The following SORCS2 variants were observed in gnomAD, a reference collection of about 807,000 sequenced individuals.
SORCS2 encodes the protein VPS10 domain-containing receptor SorCS2.
SORCS2 carries 100 observed loss-of-function variants against 141.6 expected under a neutral mutation model. That is an observed-to-expected ratio of 0.71 (90% CI 0.60 to 0.83). SORCS2 has a LOEUF of 0.83. Ranked by LOEUF, SORCS2 falls within the 40% of genes least tolerant of loss-of-function variation. SORCS2 has a pLI of 0.00. For synonymous variants in SORCS2, 789 were observed against 676.9 expected, an observed-to-expected ratio of 1.17 and a Z score of -2.57; for missense variants, 1,646 against 1,560.2, an observed-to-expected ratio of 1.05 and a Z score of -0.93.
rs147470525 is a variant in SORCS2, at chr4:7,472,154, C to T, written c.549-59376C>T. Among the ~76,000 whole-genome samples, 1,334 of 152,330 alleles carry T rather than the reference C, an allele frequency of 8.8e-3. 15 individuals carry two copies. The highest frequency in any genetic ancestry group is 0.031 in the African/African-American group (1,276 of 41,584). On this transcript the variant is annotated intron_variant, in intron 2 of 26. Coordinates refer to ENST00000507866, the MANE Select transcript of SORCS2 (RefSeq NM_020777.3). ...GTTAGCTCGTGTCCCTGGCACTGCC[C>T]TGGGCAGGCTGCTGCAGGCACAGAG...
intron 1 of SORCS2, among the ~76,000 whole-genome samples, chr4:7,255,794 G>A (rs1713816158): frequency 6.6e-6 from 1 of 152,092 alleles, no homozygotes; most frequent in Admixed American, 6.5e-5. Context: ...CGGCTGTGCA[G>A]TGGGGCCACT....
At chr4:7,545,704 GC>G (rs199903938) in intron 3 of SORCS2, among the ~76,000 whole-genome samples, 4,846 of 152,266 alleles carry the variant, frequency 0.032, 98 homozygotes, top group Non-Finnish European at 0.038. Flanking sequence ...CACCCCACAG[GC>G]CCTGGAGAGC....
intron 14 of SORCS2, among the ~76,000 whole-genome samples, chr4:7,709,474 C>T (rs1725685495): frequency 6.6e-6 from 1 of 152,206 alleles, no homozygotes; most frequent in African/African-American, 2.4e-5. Context: ...GGTGCTATAA[C>T]CTTTTAAGTT....
rs558513377 is a variant in SORCS2 at position 7,567,317 on chromosome 4, C to A, written c.648+35688C>A. Among the ~76,000 whole-genome samples the A allele has an allele frequency of 2.0e-5, 3 of 152,160 alleles. No individual in the cohort carries two copies. In the East Asian group the frequency reaches 5.8e-4, roughly 29 times the overall value. Reference sequence around the variant, plus strand: ...TAATGCCTTCATCGATCTCAGGATCCCACCCAGGACTCCACGTTACATGTA... The same window carrying A: ...TAATGCCTTCATCGATCTCAGGATCACACCCAGGACTCCACGTTACATGTA... On this transcript the variant is annotated intron_variant, in intron 3 of 26. Coordinates refer to ENST00000507866, the MANE Select transcript of SORCS2 (RefSeq NM_020777.3).
At chr4:7,615,148 CTCATTCATTCAT>C (rs112636992) in intron 3 of SORCS2, among the ~76,000 whole-genome samples, 1 of 152,208 alleles carries the variant, frequency 6.6e-6, no homozygotes, top group Non-Finnish European at 1.5e-5. Context: ...CATCCATTCA[CTCATTCATTCAT>C]TCATTCATTC....
chr4:7,636,232 C>G lies in SORCS2; in HGVS notation c.649-2096C>G, dbSNP rs200029547. Among the ~76,000 whole-genome samples, 4 of 80,708 alleles carry G rather than the reference C, an allele frequency of 5.0e-5. No homozygotes were observed. The East Asian group carries it at 7.7e-3, about 155-fold the overall frequency. The allele number at this position is 80,708 out of a possible 152,430, so 52.9% of individuals were successfully genotyped here. A position where few individuals can be genotyped will look rare whatever the true frequency, so the allele number is the denominator to read the frequency against. On this transcript the variant is annotated intron_variant, in intron 3 of 26. Coordinates refer to ENST00000507866, the MANE Select transcript of SORCS2 (RefSeq NM_020777.3). The stretch of plus-strand genomic sequence containing the variant: ...AATGCTTGGCTCCAAAGGGAGACTT[C>G]CTTTGGGACTTGCTTTGGGTCCCCT...
rs999708267 is a variant in SORCS2, at chr4:7,233,883, C to T, written c.480+40757C>T. ...TGCACTTGTAATACACTGTCCTGTC[C>T]GCTATCCCATCCCCTTCTCTGGTCT... is the stretch of plus-strand genomic sequence containing the variant. On this transcript the variant is annotated intron_variant, in intron 1 of 26. Coordinates refer to ENST00000507866, the MANE Select transcript of SORCS2 (RefSeq NM_020777.3). This position sits in a 1 kb window ranked among gnomAD's most constrained non-coding sequence, Gnocchi z 4.5. 6.6e-6 allele frequency among the ~76,000 whole-genome samples: 1 copy of T among 152,122 alleles called. No homozygotes were observed. The highest frequency in any genetic ancestry group is 2.1e-4 in the South Asian group (1 of 4,810).
At chr4:7,237,723 C>G (rs1170927517) in intron 1 of SORCS2, among the ~76,000 whole-genome samples, 3 of 151,874 alleles carry the variant, frequency 2.0e-5, no homozygotes, top group African/African-American at 7.3e-5. Context: ...ATAATAATAC[C>G]CAGTGGGGAG....
intron 9 of SORCS2, among the ~76,000 whole-genome samples, chr4:7,678,678 G>A (rs561399935): frequency 6.7e-5 from 10 of 149,976 alleles, no homozygotes; most frequent in African/African-American, 2.5e-4. Flanking sequence ...GAAGAGGTTC[G>A]CAGTGGCCCG....
At chr4:7,737,496 A>G (rs148448218) in intron 26 of SORCS2, among the ~76,000 whole-genome samples, 118 of 152,306 alleles carry the variant, frequency 7.7e-4, no homozygotes, top group African/African-American at 2.8e-3. Flanking sequence ...TTTGAAAGGA[A>G]GCCTGACTCG....
chr4:7,426,309 G>C (rs1460404151), intron 2 of SORCS2, among the ~76,000 whole-genome samples: 1 of 36,624 alleles, frequency 2.7e-5, no homozygotes, highest in East Asian at 2.8e-4. Context: ...GCCAGGGGAG[G>C]CCCGAGGACG....
At chr4:7,727,006 C>T in intron 21 of SORCS2, 103 bp downstream of exon 21, 1 of 1,382,208 alleles carries the variant, frequency 7.2e-7, no homozygotes, top group Middle Eastern at 1.9e-4. Flanking sequence ...CCTGGTCACC[C>T]TGAGTGGCCC....
chr4:7,267,896 T>C (rs1714856937), intron 1 of SORCS2, among the ~76,000 whole-genome samples: 2 of 152,256 alleles, frequency 1.3e-5, no homozygotes, highest in African/African-American at 4.8e-5. Flanking sequence ...CAGTGAGTGA[T>C]GAGACGAGCA....
intron 1 of SORCS2, among the ~76,000 whole-genome samples, chr4:7,366,507 T>C (rs1721905587): frequency 1.4e-5 from 1 of 73,350 alleles, no homozygotes; most frequent in Admixed American, 1.7e-4. Flanking sequence ...TCCTCCAGGC[T>C]TCCCCTCCTC....
intron 3 of SORCS2, among the ~76,000 whole-genome samples, chr4:7,590,041 G>T (rs191670915): frequency 2.6e-5 from 4 of 152,158 alleles, no homozygotes; most frequent in African/African-American, 4.8e-5. Context: ...AAAGACAGCC[G>T]AGAAGGGGAA....
chr4:7,562,311 C>T (rs1714650260), intron 3 of SORCS2, among the ~76,000 whole-genome samples: 1 of 148,614 alleles, frequency 6.7e-6, no homozygotes, highest in Non-Finnish European at 1.5e-5. Context: ...CAGCTGCGTA[C>T]ACAAAGGCCC....
At chr4:7,503,921 C>T (rs186315360) in intron 2 of SORCS2, among the ~76,000 whole-genome samples, 1 of 152,286 alleles carries the variant, frequency 6.6e-6, no homozygotes, top group Non-Finnish European at 1.5e-5. Context: ...TTTTGGTGCC[C>T]TAGAGGAGAA....
At chr4:7,243,871 CTG>C (rs1253844869) in intron 1 of SORCS2, among the ~76,000 whole-genome samples, 2 of 152,242 alleles carry the variant, frequency 1.3e-5, no homozygotes, top group African/African-American at 2.4e-5. Flanking sequence ...TCCCTGCTCT[CTG>C]TCTTCACATG....
At chr4:7,467,990 C>G (rs1729726120) in intron 2 of SORCS2, among the ~76,000 whole-genome samples, 1 of 152,216 alleles carries the variant, frequency 6.6e-6, no homozygotes, top group African/African-American at 2.4e-5. Context: ...GCTTCAGAAG[C>G]AAGATCTGTA....
Sources: allele counts gnomAD v4.1 joint callset (sites outside exome capture counted in the v4.1 genomes callset), GRCh38; gene constraint gnomAD v4.1.1; non-coding constraint Gnocchi (gnomAD v3.1); transcripts MANE v1.5; gene names NCBI Gene and HGNC (gene_info 2026-07-23, HGNC 2026-07-21).